The following ABCA4 variants were observed in gnomAD, a reference collection of about 807,000 sequenced individuals.
The protein encoded by ABCA4 is retinal-specific phospholipid-transporting ATPase ABCA4.
A neutral mutation model predicts 263.7 loss-of-function variants in ABCA4; 196 were observed. The ratio of observed to expected loss-of-function variants is 0.74; its 90% CI spans 0.66 to 0.84. The LOEUF (loss-of-function observed/expected upper bound fraction) is 0.84. ABCA4 is among the 40% of genes least tolerant of loss of function. The probability of loss-of-function intolerance (pLI) is 0.00; values close to 1 mark genes in which losing one functional copy is unlikely to be tolerated. For missense variants in ABCA4, 2,792 were observed against 2,855.1 expected, an observed-to-expected ratio of 0.98 and a Z score of 0.50; for synonymous variants, 1,133 against 1,094.2, an observed-to-expected ratio of 1.04 and a Z score of -0.70.
chr1:94,043,311 CCT>C (rs1164254609), intron 21 of ABCA4, 23 bp downstream of exon 21: 10 of 1,613,722 alleles, frequency 6.2e-6, no homozygotes, highest in Non-Finnish European at 8.5e-6. Flanking sequence ...CATCTGTGGC[CCT>C]GTCTCCATCC....
rs2101050587 is a variant in ABCA4 at position 94,042,812 on chromosome 1, C to T, written c.3277G>A (p.Asp1093Asn). The change falls in exon 22 of 50, where the codon GAC (aspartate) becomes AAC (asparagine). Residue 1093 changes from aspartate (D) to asparagine (N), a missense_variant. Asp to Asn is a conservative substitution (Grantham distance 23). Coordinates refer to ENST00000370225, the MANE Select transcript of ABCA4 (RefSeq NM_000350.3). ...CAGATTGAGCGTCTCGAGTAAGGGT[C>T]CACCCCAGAGGTGGGTTCGTCCAGA... is the stretch of plus-strand genomic sequence containing the variant. Reference protein sequence around the residue: ...VILDEPTSGVDPYSRRSIWDL... With the variant: ...VILDEPTSGVNPYSRRSIWDL... 4.3e-6 allele frequency: 7 copies of T among 1,614,168 alleles called. No individual in the cohort carries two copies. Among genetic ancestry groups the T allele is most frequent in the Non-Finnish European group, 5.9e-6 (7 of 1,180,032 alleles).
intron 6 of ABCA4, among the ~76,000 whole-genome samples, chr1:94,090,587 C>T (rs1439883416): frequency 6.6e-6 from 1 of 152,190 alleles, no homozygotes. Flanking sequence ...TCCAGCTTTC[C>T]TTCCCTAGGG....
Position 94,055,093 on chromosome 1 carries a change from A to G in ABCA4, c.2587+18T>C, listed in dbSNP as rs1233825016. Reference sequence around the variant, plus strand: ...TGAAGAACTCAATTACCTTTACCCTATAGAGGAGGATGCTTACCTGGAAAC... The same window carrying G: ...TGAAGAACTCAATTACCTTTACCCTGTAGAGGAGGATGCTTACCTGGAAAC... On this transcript the variant is annotated intron_variant, in intron 16 of 49. Transcript: ENST00000370225. 2 of 1,610,074 alleles carry G rather than the reference A, an allele frequency of 1.2e-6. No individual in the cohort carries two copies. Among genetic ancestry groups the G allele is most frequent in the Non-Finnish European group, 1.7e-6 (2 of 1,176,492 alleles).
At position 94,080,704 on chromosome 1, in the gene ABCA4, C is replaced by A; in HGVS notation, c.873G>T (p.Pro291=). Residue 291 remains proline, a synonymous_variant, in exon 8 of 50, where the codon CCG becomes CCT. Coordinates refer to ENST00000370225, the MANE Select transcript of ABCA4 (RefSeq NM_000350.3). The part of the protein sequence containing the change: ...SPRIQEFIHR[P]SMQDLLWVTR... ...TCACCCACAGCAAGTCCTGCATACT[C>A]GGCCGATGGATAAACTAGGGCAAGG... 6.2e-7 allele frequency: 1 copy of A among 1,614,106 alleles called. No homozygotes were observed. Among genetic ancestry groups the A allele is most frequent in the Non-Finnish European group, 8.5e-7 (1 of 1,180,034 alleles).
chr1:94,083,602 T>C (rs1661759890), intron 6 of ABCA4, among the ~76,000 whole-genome samples, 161 bp from the exon 7 acceptor site: 2 of 152,242 alleles, frequency 1.3e-5, no homozygotes, highest in Non-Finnish European at 2.9e-5. Context: ...CAAAAAACTC[T>C]TTTATTTAAT....
chr1:94,005,316 A>G lies in ABCA4; in HGVS notation c.6147+125T>C, dbSNP rs946851751. 2.3e-6 allele frequency: 3 copies of G among 1,300,388 alleles called. No homozygotes were observed. In the African/African-American group the frequency reaches 4.3e-5, roughly 19 times the overall value. 80.6% of individuals were successfully genotyped at this position (1,300,388 alleles called of 1,614,324 possible). A position where few individuals can be genotyped will look rare whatever the true frequency, so the allele number is the denominator to read the frequency against. On this transcript the variant is annotated intron_variant, in intron 44 of 49. Transcript: ENST00000370225. Reference sequence around the variant, plus strand: ...CTTGGCACACAGTAGACACATAGTAAACATTTGTTGGAATGAATGAATGAA... The same window carrying G: ...CTTGGCACACAGTAGACACATAGTAGACATTTGTTGGAATGAATGAATGAA...
At chr1:94,005,980 T>C (rs992394921) in intron 43 of ABCA4, among the ~76,000 whole-genome samples, 1 of 152,204 alleles carries the variant, frequency 6.6e-6, no homozygotes, top group Non-Finnish European at 1.5e-5. Flanking sequence ...AGTAAACTTC[T>C]CTATCTGTAT....
intron 19 of ABCA4, chr1:94,046,056 C>CT: frequency 2.5e-6 from 1 of 399,566 alleles, no homozygotes; most frequent in South Asian, 1.8e-5. Flanking sequence ...GAGACTGATT[C>CT]TTTTTTCACT....
At chr1:94,070,376 G>C (rs1350903685) in intron 11 of ABCA4, among the ~76,000 whole-genome samples, 1 of 152,106 alleles carries the variant, frequency 6.6e-6, no homozygotes, top group East Asian at 1.9e-4. Flanking sequence ...CTTCTCCCCT[G>C]ATGCTGCAGC....
chr1:94,059,586 G>T (rs909487304), intron 14 of ABCA4: 1 of 152,178 alleles, frequency 6.6e-6, no homozygotes, highest in Non-Finnish European at 1.5e-5. Flanking sequence ...CCAGATATGG[G>T]CCAGCATGGG....
At chr1:94,049,363 C>T (rs1289652914) in intron 17 of ABCA4, among the ~76,000 whole-genome samples, 7 of 152,190 alleles carry the variant, frequency 4.6e-5, no homozygotes, top group Admixed American at 2.0e-4. Context: ...TGGTGGCTCA[C>T]GCCTGTAATC....
chr1:94,021,637 T>G lies in ABCA4; in HGVS notation c.4848+3A>C. On this transcript the variant is annotated splice_donor_region_variant and intron_variant, in intron 34 of 49. Transcript: ENST00000370225. ...CAGAGCAGATTATACATAGGTCAAG[T>G]ACCTTAATGTTGTCTTCAGTTTCTA... The G allele has an allele frequency of 6.2e-7, 1 of 1,610,008 alleles. No individual in the cohort carries two copies. The highest frequency in any genetic ancestry group is 8.5e-7 in the Non-Finnish European group (1 of 1,177,346).
chr1:94,052,389 C>CT (rs761733081), intron 16 of ABCA4, among the ~76,000 whole-genome samples: 1 of 152,122 alleles, frequency 6.6e-6, no homozygotes, highest in Non-Finnish European at 1.5e-5. Flanking sequence ...ATGGTCTCGG[C>CT]TTTTTTTAAG....
rs1316009444 is a variant in ABCA4 at position 93,997,865 on chromosome 1, T to G, written c.6725A>C (p.Asp2242Ala). 3 of 1,613,984 alleles carry G rather than the reference T, an allele frequency of 1.9e-6. No homozygotes were observed. The highest frequency in any genetic ancestry group is 2.5e-6 in the Non-Finnish European group (3 of 1,180,002). Residue 2242 changes from aspartate to alanine, a missense_variant, in exon 48 of 50, where the codon GAC becomes GCC. Transcript: ENST00000370225. The part of the protein sequence containing the change: ...EEYSVTQTTL[D>A]QVFVNFAKQQ... ...GGTGCCCCAGGGCCAACTTGCCTGG[T>G]CCAGTGTGGTCTGTGTGACTGAGTA... is the stretch of plus-strand genomic sequence containing the variant.
intron 8 of ABCA4, 116 bp downstream of exon 8, chr1:94,080,362 G>A: frequency 7.0e-7 from 1 of 1,426,370 alleles, no homozygotes; most frequent in South Asian, 1.2e-5. Context: ...TTTACCTAAG[G>A]CCACTCAGCA....
rs760549861 is a variant in ABCA4, at chr1:94,014,685, G to T, written c.5318C>A (p.Ala1773Glu). Reference sequence around the variant, plus strand: ...TGCTGGGTACATCATGGGAATGACCGCCCATCTGTGTGAAATGAGACAACT... The same window carrying T: ...TGCTGGGTACATCATGGGAATGACCTCCCATCTGTGTGAAATGAGACAACT... ...LVALLLLYGW[A>E]VIPMMYPASF... The change falls in exon 38 of 50, where the codon GCG (alanine) becomes GAG (glutamate). Residue 1773 changes from alanine (A) to glutamate (E), a missense_variant. By Grantham distance (107) the Ala-to-Glu change is moderately radical (BLOSUM62 -1). Transcript: ENST00000370225. The T allele has an allele frequency of 3.1e-6, 5 of 1,614,108 alleles. No homozygotes were observed. The highest frequency in any genetic ancestry group is 3.4e-6 in the Non-Finnish European group (4 of 1,180,024).
In ABCA4 at chr1:94,043,450, A is replaced by C; in HGVS notation, c.3076T>G (p.Phe1026Val). 1 of 1,614,172 alleles carries C rather than the reference A, an allele frequency of 6.2e-7. No individual in the cohort carries two copies. The highest frequency in any genetic ancestry group is 8.5e-7 in the Non-Finnish European group (1 of 1,180,028). Residue 1026 changes from phenylalanine (F) to valine (V), a missense_variant, in exon 21 of 50, where the codon TTC (phenylalanine) becomes GTC (valine). Physicochemically the swap from Phe to Val is conservative, Grantham distance 50. Transcript: ENST00000370225. ...HHLTVAEHML[F>V]YAQLKGKSQE... ...GACTTTCCTTTCAGCTGGGCATAGA[A>C]CAGCATGTGCTCAGCCACCGTGAGG...
intron 30 of ABCA4, among the ~76,000 whole-genome samples, chr1:94,028,821 G>T (rs1660107496): frequency 7.5e-6 from 1 of 133,662 alleles, no homozygotes; most frequent in Non-Finnish European, 1.5e-5. Flanking sequence ...TGAGGCACAA[G>T]AATTGAACCT....
At chr1:94,062,991 T>C in intron 12 of ABCA4, 121 bp downstream of exon 12, 1 of 1,144,010 alleles carries the variant, frequency 8.7e-7, no homozygotes, top group Non-Finnish European at 1.3e-6. Flanking sequence ...AAATATCTTA[T>C]TTTTTCTTAT....
Sources: gnomAD v4.1 joint callset for allele counts (sites outside exome capture counted in the v4.1 genomes callset) on GRCh38, gnomAD v4.1.1 for gene constraint, MANE v1.5 for transcripts, NCBI Gene and HGNC (gene_info 2026-07-23, HGNC 2026-07-21) for gene names.